The following IQCK variants were observed in gnomAD, a reference collection of about 807,000 sequenced individuals.
The protein encoded by IQCK is IQ motif containing K.
A neutral mutation model predicts 28.1 loss-of-function variants in IQCK; 29 were observed. That is an observed-to-expected ratio of 1.03 (90% confidence interval 0.77 to 1.41). The LOEUF is 1.41. Among genes scored for constraint, IQCK ranks in the 40% most tolerant of loss-of-function variants. The pLI is 0.00. For missense variants in IQCK, 359 were observed against 314.7 expected, an observed-to-expected ratio of 1.14 and a Z score of -1.07; for synonymous variants, 113 against 115.1, an observed-to-expected ratio of 0.98 and a Z score of 0.12.
exon 3 of IQCK, chr16:19,733,770 A>G (rs751891820): frequency 7.4e-6 from 12 of 1,614,172 alleles, no homozygotes; most frequent in Middle Eastern, 1.6e-4. Context: ...CCATTTCACC[A>G]TGATCTCACG....
At chr16:19,832,242 A>G (rs2056241449) in intron 9 of IQCK, among the ~76,000 whole-genome samples, 1 of 152,016 alleles carries the variant, frequency 6.6e-6, no homozygotes, top group Admixed American at 6.6e-5. Flanking sequence ...GTATATATAT[A>G]TGCACACACA....
intron 4 of IQCK, among the ~76,000 whole-genome samples, chr16:19,745,104 G>T (rs2054890835): frequency 6.6e-6 from 1 of 152,178 alleles, no homozygotes; most frequent in African/African-American, 2.4e-5. Flanking sequence ...AATTTCAAAA[G>T]AAGCACGAGT....
intron 4 of IQCK, chr16:19,761,654 G>T (rs1476005373): frequency 3.5e-6 from 1 of 286,488 alleles, no homozygotes; most frequent in Non-Finnish European, 6.9e-6. Context: ...GAACAAACTT[G>T]AAATGGAAAT....
chr16:19,830,446 T>G (rs1352061259), downstream of IQCK, among the ~76,000 whole-genome samples: 1 of 152,198 alleles, frequency 6.6e-6, no homozygotes, highest in Non-Finnish European at 1.5e-5. Context: ...TTCCACCATC[T>G]GCTGCTGGCT....
intron 4 of IQCK, among the ~76,000 whole-genome samples, chr16:19,756,914 AG>A (rs1419103161): frequency 4.0e-5 from 6 of 150,752 alleles, no homozygotes; most frequent in Non-Finnish European, 8.9e-5. Flanking sequence ...AAAAAAAAAA[AG>A]AAAGAGGCTC....
intron 9 of IQCK, among the ~76,000 whole-genome samples, chr16:19,835,996 T>A (rs544254090): frequency 3.1e-4 from 47 of 152,254 alleles, no homozygotes; most frequent in Non-Finnish European, 1.8e-4. Flanking sequence ...AAAAATGTTA[T>A]ATTAATTTAT....
chr16:19,736,055 C>T, intron 4 of IQCK: 1 of 453,624 alleles, frequency 2.2e-6, no homozygotes, highest in Non-Finnish European at 4.4e-6. Flanking sequence ...AATAGCAAGA[C>T]CCTCAACTCA....
At chr16:19,847,425 C>T (rs1478634790) in intron 9 of IQCK, among the ~76,000 whole-genome samples, 1 of 152,238 alleles carries the variant, frequency 6.6e-6, no homozygotes, top group Admixed American at 6.5e-5. Context: ...AACCCAACCA[C>T]CGCCTGGATC....
chr16:19,737,372 A>G (rs938159020), intron 4 of IQCK, among the ~76,000 whole-genome samples: 1 of 152,100 alleles, frequency 6.6e-6, no homozygotes, highest in African/African-American at 2.4e-5. Flanking sequence ...TGTTCTAGCA[A>G]ATACCCGATG....
chr16:19,765,144 C>T (rs903995033), intron 6 of IQCK, among the ~76,000 whole-genome samples: 1 of 146,630 alleles, frequency 6.8e-6, no homozygotes, highest in African/African-American at 2.5e-5. Flanking sequence ...ATGGCGTGAA[C>T]CCTGGAGGCG....
chr16:19,817,674 AAATT>A (rs59095227), intron 7 of IQCK, among the ~76,000 whole-genome samples: 7,160 of 152,132 alleles, frequency 0.047, 548 homozygotes, highest in African/African-American at 0.16. Flanking sequence ...ATTATAGGAA[AAATT>A]AATTAATTAT....
chr16:19,759,407 C>G (rs534037421), intron 4 of IQCK, among the ~76,000 whole-genome samples: 10 of 152,032 alleles, frequency 6.6e-5, no homozygotes, highest in Non-Finnish European at 1.2e-4. Context: ...TGGGGTTTTG[C>G]CATGTTGGCC....
At chr16:19,775,669 C>T (rs986937538) in intron 6 of IQCK, among the ~76,000 whole-genome samples, 1 of 152,112 alleles carries the variant, frequency 6.6e-6, no homozygotes, top group Admixed American at 6.6e-5. Flanking sequence ...AGCCCTCTTA[C>T]CTCTGAGGTC....
chr16:19,804,629 C>T (rs1458083204), intron 7 of IQCK, among the ~76,000 whole-genome samples: 1 of 151,982 alleles, frequency 6.6e-6, no homozygotes, highest in Non-Finnish European at 1.5e-5. Flanking sequence ...AGAGACGAGT[C>T]TTGCCATGTT....
rs2056140025 is a variant in IQCK at position 19,825,711 on chromosome 16, G to A, written c.691-1315G>A. On this transcript the variant is annotated intron_variant, in intron 7 of 7. Transcript: ENST00000564186. This position sits in a 1 kb window ranked among gnomAD's most constrained non-coding sequence, Gnocchi z 4.2. ...TGTAAGATACTTCAAACCATGCCTG[G>A]GAGATAAATGCTCAATAAATATGAG... 6.6e-6 allele frequency among the ~76,000 whole-genome samples: 1 copy of A among 151,916 alleles called. No individual in the cohort carries two copies. The highest frequency in any genetic ancestry group is 1.5e-5 in the Non-Finnish European group (1 of 67,978).
chr16:19,807,313 T>C (rs2055846654), intron 7 of IQCK, among the ~76,000 whole-genome samples: 1 of 152,252 alleles, frequency 6.6e-6, no homozygotes, highest in African/African-American at 2.4e-5. Context: ...GCTGCTCCTA[T>C]GTTCCTAATC....
chr16:19,847,407 A>G (rs1408837513), intron 9 of IQCK, among the ~76,000 whole-genome samples: 1 of 152,192 alleles, frequency 6.6e-6, no homozygotes. Flanking sequence ...AATTCTGTGC[A>G]TGAATCCAAC....
At chr16:19,838,667 C>T (rs886553586) in intron 9 of IQCK, among the ~76,000 whole-genome samples, 21 of 152,146 alleles carry the variant, frequency 1.4e-4, no homozygotes, top group African/African-American at 4.3e-4. Flanking sequence ...GCCAACTACA[C>T]GCCAGGCACT....
chr16:19,729,617 ATTATTTTATT>A (rs1372364027), intron 1 of IQCK, among the ~76,000 whole-genome samples: 1 of 151,554 alleles, frequency 6.6e-6, no homozygotes, highest in Non-Finnish European at 1.5e-5. Flanking sequence ...TACCGACTTT[ATTATTTTATT>A]TTATTTTATT....
Sources: gnomAD v4.1 joint callset for allele counts (sites outside exome capture counted in the v4.1 genomes callset) on GRCh38, gnomAD v4.1.1 for gene constraint, Gnocchi (gnomAD v3.1) non-coding constraint, MANE v1.5 for transcripts, NCBI Gene and HGNC (gene_info 2026-07-23, HGNC 2026-07-21) for gene names.